TMEM108: variants seen among roughly 807,000 people sequenced by gnomAD.
TMEM108 encodes the protein cancer/testis antigen 124.
A neutral mutation model predicts 35.1 loss-of-function variants in TMEM108; 12 were observed. That is an observed-to-expected ratio of 0.34 (90% CI 0.22 to 0.55). The LOEUF is 0.55. Among genes scored for constraint, TMEM108 ranks in the 20% least tolerant of loss-of-function variants. TMEM108 has a pLI of 0.89. For missense variants in TMEM108, 680 were observed against 753.3 expected (o/e 0.90, Z 1.14); for synonymous variants, 287 against 308.6 (o/e 0.93, Z 0.73).
At chr3:133,153,549 A>G (rs1944832461) in intron 2 of TMEM108, among the ~76,000 whole-genome samples, 1 of 152,180 alleles carries the variant, frequency 6.6e-6, no homozygotes, top group Non-Finnish European at 1.5e-5. Context: ...AGATCAGACA[A>G]GCTATCAGGA....
Position 133,197,477 on chromosome 3 carries a change from A to G in TMEM108, c.-46-31789A>G, listed in dbSNP as rs192117990. ...TCTATCAAAATCTAATGAGAAGCAC[A>G]CAGAGTACCTTCCAGAATTGTCCAC... is the stretch of plus-strand genomic sequence containing the variant. On this transcript the variant is annotated intron_variant, in intron 2 of 5. Transcript: ENST00000321871. Among the ~76,000 whole-genome samples the G allele has an allele frequency of 4.0e-5, 6 of 151,718 alleles. No individual in the cohort carries two copies. In the East Asian group the frequency reaches 9.7e-4, roughly 24 times the overall value.
At chr3:133,291,968 TCCCAACCC>T (rs1200970352) in intron 3 of TMEM108, among the ~76,000 whole-genome samples, 1 of 152,178 alleles carries the variant, frequency 6.6e-6, no homozygotes, top group African/African-American at 2.4e-5. Context: ...CTGCAGTGGT[TCCCAACCC>T]TGACTGCACA....
chr3:133,294,422 G>A (rs1947115226), intron 3 of TMEM108, among the ~76,000 whole-genome samples: 1 of 152,120 alleles, frequency 6.6e-6, no homozygotes, highest in Non-Finnish European at 1.5e-5. Context: ...ACAGCCTTAT[G>A]TCCCAGAGCC....
intron 2 of TMEM108, among the ~76,000 whole-genome samples, chr3:133,144,899 T>C (rs946333582): frequency 6.6e-6 from 1 of 152,222 alleles, no homozygotes; most frequent in Non-Finnish European, 1.5e-5. Flanking sequence ...GCAAAAATTT[T>C]CTCCCATTCT....
At chr3:133,390,608 G>C (rs376366005) in intron 5 of TMEM108, among the ~76,000 whole-genome samples, 20 of 152,182 alleles carry the variant, frequency 1.3e-4, no homozygotes, top group African/African-American at 4.6e-4. Flanking sequence ...CAAATACTCA[G>C]TGAGGACCTG....
intron 3 of TMEM108, among the ~76,000 whole-genome samples, chr3:133,256,768 T>C (rs1037268064): frequency 3.3e-5 from 5 of 152,152 alleles, no homozygotes; most frequent in African/African-American, 1.2e-4. Context: ...TAGAGAAATC[T>C]GGATAAGTAG....
chr3:133,083,180 A>AAC (rs1943836761), intron 2 of TMEM108, among the ~76,000 whole-genome samples: 5 of 109,500 alleles, frequency 4.6e-5, no homozygotes, highest in Admixed American at 3.8e-4. Context: ...GCCCCCCCCC[A>AAC]CCCCCCGCCG....
intron 2 of TMEM108, among the ~76,000 whole-genome samples, chr3:133,145,879 G>A (rs532304767): frequency 1.3e-5 from 2 of 152,190 alleles, no homozygotes; most frequent in African/African-American, 2.4e-5. Context: ...AGACGATGGG[G>A]TTTTCTAAAT....
intron 2 of TMEM108, among the ~76,000 whole-genome samples, chr3:133,134,736 C>T (rs1373379584): frequency 6.6e-6 from 1 of 152,140 alleles, no homozygotes; most frequent in African/African-American, 2.4e-5. Context: ...GAATAGTGTG[C>T]ATTGTACTCA....
intron 2 of TMEM108, among the ~76,000 whole-genome samples, chr3:133,131,677 C>A (rs1248338238): frequency 6.6e-6 from 1 of 151,626 alleles, no homozygotes; most frequent in Non-Finnish European, 1.5e-5. Flanking sequence ...CAATTAATAA[C>A]CCTAAAATGG....
At chr3:133,055,905 G>A (rs1324643310) in intron 2 of TMEM108, among the ~76,000 whole-genome samples, 2 of 152,200 alleles carry the variant, frequency 1.3e-5, no homozygotes, top group African/African-American at 4.8e-5. Flanking sequence ...CATTAGAACA[G>A]TATTTACCAG....
intron 3 of TMEM108, among the ~76,000 whole-genome samples, chr3:133,314,401 C>T (rs1398467773): frequency 6.6e-6 from 1 of 152,132 alleles, no homozygotes; most frequent in Admixed American, 6.5e-5. Flanking sequence ...CCTTCAAAAG[C>T]GCTTTTAGAT....
chr3:133,322,676 G>A (rs779344306), intron 3 of TMEM108, among the ~76,000 whole-genome samples: 1 of 152,044 alleles, frequency 6.6e-6, no homozygotes. Context: ...TGTGAAGTCA[G>A]TATCACCCTA....
intron 2 of TMEM108, among the ~76,000 whole-genome samples, chr3:133,127,329 G>GTGGAGTGGCTGCCATGT (rs1944429721): frequency 6.6e-6 from 1 of 152,190 alleles, no homozygotes. Context: ...GTAACCCCCT[G>GTGGAGTGGCTGCCATGT]TGGAGTGGCT....
chr3:133,376,921 T>G (rs947743484), intron 3 of TMEM108, among the ~76,000 whole-genome samples: 6 of 152,260 alleles, frequency 3.9e-5, no homozygotes, highest in Non-Finnish European at 1.5e-5. Context: ...TTCCTCACAT[T>G]TGAGGAGGAT....
At chr3:133,086,191 T>G (rs1943879651) in intron 2 of TMEM108, among the ~76,000 whole-genome samples, 1 of 152,214 alleles carries the variant, frequency 6.6e-6, no homozygotes, top group Admixed American at 6.5e-5. Flanking sequence ...AGGTTCTCCC[T>G]CTGTACCTTG....
At chr3:133,211,496 C>A (rs183340055) in intron 2 of TMEM108, among the ~76,000 whole-genome samples, 5 of 152,298 alleles carry the variant, frequency 3.3e-5, no homozygotes, top group African/African-American at 1.2e-4. Context: ...TCTACAATAT[C>A]ATTTAATTCC....
chr3:133,305,229 T>C (rs1453223196), intron 3 of TMEM108, among the ~76,000 whole-genome samples: 3 of 151,170 alleles, frequency 2.0e-5, no homozygotes, highest in East Asian at 1.9e-4. Context: ...ATGGATGAAA[T>C]TGGAAATCAT....
At chr3:133,229,387 T>C in intron 3 of TMEM108, 36 bp downstream of exon 3, 4 of 1,601,596 alleles carry the variant, frequency 2.5e-6, no homozygotes, top group Non-Finnish European at 3.4e-6. Context: ...TCCTAAAATA[T>C]ACTAATGTTA....
Sources: gnomAD v4.1 joint callset for allele counts (sites outside exome capture counted in the v4.1 genomes callset) on GRCh38, gnomAD v4.1.1 for gene constraint, MANE v1.5 for transcripts, NCBI Gene and HGNC (gene_info 2026-07-23, HGNC 2026-07-21) for gene names.